ZNF618: variants seen among roughly 807,000 people sequenced by gnomAD.
ZNF618 encodes zinc finger protein 618, also known as neural precursor cell expressed, developmentally down-regulated 10.
In ZNF618, 34 loss-of-function variants were observed where a neutral mutation model predicts 103.0. The ratio of observed to expected loss-of-function variants is 0.33; its 90% CI spans 0.25 to 0.44. ZNF618 has a LOEUF of 0.44. Ranked by LOEUF, ZNF618 falls within the 20% of genes least tolerant of loss-of-function variation. The probability of loss-of-function intolerance (pLI) is 1.00; values close to 1 mark genes in which losing one functional copy is unlikely to be tolerated. For synonymous variants in ZNF618, 551 were observed against 542.2 expected, an observed-to-expected ratio of 1.02 and a Z score of -0.23; for missense variants, 1,059 against 1,295.4, an observed-to-expected ratio of 0.82 and a Z score of 2.80.
intron 11 of ZNF618, among the ~76,000 whole-genome samples, chr9:114,031,303 C>A (rs1197108814): frequency 6.6e-6 from 1 of 152,088 alleles, no homozygotes; most frequent in African/African-American, 2.4e-5. Context: ...CTCCCTGGGA[C>A]TCTCAGCCCA....
chr9:114,045,321 T>C (rs1021725299), intron 13 of ZNF618, among the ~76,000 whole-genome samples: 8 of 152,120 alleles, frequency 5.3e-5, no homozygotes, highest in African/African-American at 1.9e-4. Flanking sequence ...TATGTTTCCT[T>C]ATAAAACTCT....
At chr9:113,954,007 G>A (rs1260699258) in intron 1 of ZNF618, among the ~76,000 whole-genome samples, 1 of 152,198 alleles carries the variant, frequency 6.6e-6, no homozygotes, top group Non-Finnish European at 1.5e-5. Flanking sequence ...AAAGGAAGGG[G>A]AAGGGCCCTT....
At chr9:114,012,758 T>C (rs1404685734) in intron 9 of ZNF618, among the ~76,000 whole-genome samples, 1 of 152,002 alleles carries the variant, frequency 6.6e-6, no homozygotes, top group Non-Finnish European at 1.5e-5. Flanking sequence ...ATGAAGATAA[T>C]GAGAGGAAAA....
At chr9:113,930,987 A>G (rs1833530656) in intron 1 of ZNF618, among the ~76,000 whole-genome samples, 1 of 152,246 alleles carries the variant, frequency 6.6e-6, no homozygotes. Context: ...CTTCATTAGA[A>G]TACTGGGGGA....
rs1415455743 is a variant in ZNF618 at position 113,876,455 on chromosome 9, C to T, written c.33+42C>T. ...GGGGCATGCACCGCGCGGGGGACCC[C>T]GGGGGGCCGGGGCCCGGGGCGCTGC... On this transcript the variant is annotated intron_variant, in intron 1 of 14. Coordinates refer to ENST00000374126, the MANE Select transcript of ZNF618 (RefSeq NM_001318042.2). The T allele has an allele frequency of 5.2e-5, 62 of 1,183,122 alleles. No homozygotes were observed. The East Asian group carries it at 1.7e-3, about 32-fold the overall frequency. 73.3% of individuals were successfully genotyped at this position (1,183,122 alleles called of 1,614,324 possible).
At chr9:113,920,055 A>G (rs1002691250) in intron 1 of ZNF618, among the ~76,000 whole-genome samples, 2 of 152,142 alleles carry the variant, frequency 1.3e-5, no homozygotes, top group Non-Finnish European at 2.9e-5. Context: ...CCTGGCCTGA[A>G]TGTCAGGGCC....
At chr9:113,985,066 A>G (rs1839338407) in intron 2 of ZNF618, among the ~76,000 whole-genome samples, 1 of 152,238 alleles carries the variant, frequency 6.6e-6, no homozygotes, top group African/African-American at 2.4e-5. Flanking sequence ...ACAATGAAAC[A>G]TCTCCACTGG....
chr9:113,989,180 C>T (rs1367389658), intron 3 of ZNF618, among the ~76,000 whole-genome samples: 1 of 152,220 alleles, frequency 6.6e-6, no homozygotes, highest in African/African-American at 2.4e-5. Context: ...TGAGGCCCAA[C>T]AAATATGTTT....
Position 113,979,322 on chromosome 9 carries a change from A to G in ZNF618, c.78-8999A>G, listed in dbSNP as rs796202657. Among the ~76,000 whole-genome samples the G allele has an allele frequency of 4.6e-5, 7 of 152,338 alleles. No homozygotes were observed. In the South Asian group the frequency reaches 6.2e-4, roughly 14 times the overall value. On this transcript the variant is annotated intron_variant, in intron 2 of 14. Coordinates refer to ENST00000374126, the MANE Select transcript of ZNF618 (RefSeq NM_001318042.2). ...TCATGATGGCGACCCTGCACCCTCA[A>G]GAGAGAATGTCAAGGTATTACCAGG...
intron 3 of ZNF618, among the ~76,000 whole-genome samples, chr9:113,989,495 T>TA (rs1339403571): frequency 9.9e-5 from 15 of 152,236 alleles, no homozygotes; most frequent in Admixed American, 9.8e-4. Context: ...GTCTGTGACA[T>TA]AAAGTCCTCA....
intron 1 of ZNF618, among the ~76,000 whole-genome samples, chr9:113,957,014 G>C (rs1207725316): frequency 6.6e-6 from 1 of 152,210 alleles, no homozygotes; most frequent in African/African-American, 2.4e-5. Flanking sequence ...GAGTCACAAA[G>C]GTTAAATGAC....
chr9:113,978,063 A>G (rs1019176119), intron 2 of ZNF618, among the ~76,000 whole-genome samples: 1 of 152,230 alleles, frequency 6.6e-6, no homozygotes, highest in Non-Finnish European at 1.5e-5. Flanking sequence ...GAGTTGTTTA[A>G]TAGGTTAATA....
rs1000180986 is a variant in ZNF618 at position 114,054,321 on chromosome 9, A to G, written c.*4154A>G. The stretch of plus-strand genomic sequence containing the variant: ...GAAATGAAGATGGGATGTGGCTGGA[A>G]CAGCCTGTGAGATGGCTCCATTGGG... On this transcript the variant is annotated 3_prime_UTR_variant, in exon 15 of 15. Coordinates refer to ENST00000374126, the MANE Select transcript of ZNF618 (RefSeq NM_001318042.2). 3 of 152,302 alleles carry G rather than the reference A, an allele frequency of 2.0e-5. No homozygotes were observed. The highest frequency in any genetic ancestry group is 4.4e-5 in the Non-Finnish European group (3 of 68,104). The allele number at this position is 152,302 out of a possible 1,614,324, so 9.4% of individuals were successfully genotyped here. A position where few individuals can be genotyped will look rare whatever the true frequency, so the allele number is the denominator to read the frequency against.
At chr9:113,943,708 T>C (rs1422446557) in intron 1 of ZNF618, among the ~76,000 whole-genome samples, 2 of 151,768 alleles carry the variant, frequency 1.3e-5, no homozygotes, top group East Asian at 3.9e-4. Context: ...AAAGTCCCAC[T>C]CCGGGCCATT....
chr9:114,044,008 T>TA (rs1845442674), intron 13 of ZNF618, among the ~76,000 whole-genome samples: 1 of 152,218 alleles, frequency 6.6e-6, no homozygotes, highest in South Asian at 2.1e-4. Flanking sequence ...GTTATCTGTT[T>TA]ACTCTGCTGA....
intron 10 of ZNF618, 67 bp downstream of exon 10, chr9:114,016,851 C>G: frequency 7.6e-7 from 1 of 1,312,890 alleles, no homozygotes; most frequent in Non-Finnish European, 1.1e-6. Flanking sequence ...AGCCGTTGGC[C>G]AGGCCTCTGG....
intron 7 of ZNF618, among the ~76,000 whole-genome samples, 173 bp downstream of exon 7, chr9:114,007,612 C>T (rs1841869686): frequency 6.6e-6 from 1 of 152,210 alleles, no homozygotes; most frequent in African/African-American, 2.4e-5. Flanking sequence ...GCGGGAACGT[C>T]ACCATCATAC....
chr9:113,945,622 C>A (rs537351877), intron 1 of ZNF618, among the ~76,000 whole-genome samples: 2 of 152,318 alleles, frequency 1.3e-5, no homozygotes, highest in East Asian at 3.9e-4. Flanking sequence ...AGGATCCAGA[C>A]CCCTAACAGT....
chr9:114,032,213 C>G (rs958364859), intron 11 of ZNF618, among the ~76,000 whole-genome samples: 2 of 152,240 alleles, frequency 1.3e-5, no homozygotes, highest in African/African-American at 4.8e-5. Flanking sequence ...GCTGGAATCA[C>G]CAGAAAACAT....
Sources: gnomAD v4.1 joint callset for allele counts (sites outside exome capture counted in the v4.1 genomes callset) on GRCh38, gnomAD v4.1.1 for gene constraint, MANE v1.5 for transcripts, NCBI Gene and HGNC (gene_info 2026-07-23, HGNC 2026-07-21) for gene names.